Variants in ST3GAL3 observed in about 807,000 individuals in gnomAD.
The protein encoded by ST3GAL3 is ST3 beta-galactoside alpha-2,3-sialyltransferase 3.
ST3GAL3 carries 21 observed loss-of-function variants against 50.1 expected under a neutral mutation model. The ratio of observed to expected loss-of-function variants is 0.42; its 90% CI spans 0.30 to 0.60. The LOEUF (loss-of-function observed/expected upper bound fraction) is 0.60. Ranked by LOEUF, ST3GAL3 falls within the 20% of genes least tolerant of loss-of-function variation. The probability of loss-of-function intolerance (pLI) is 0.19; values close to 1 mark genes in which losing one functional copy is unlikely to be tolerated. For missense variants in ST3GAL3, 353 were observed against 489.4 expected (o/e 0.72, Z 2.63); for synonymous variants, 183 against 190.0 (o/e 0.96, Z 0.30).
At chr1:43,895,520 C>T (rs562539541) in intron 6 of ST3GAL3, among the ~76,000 whole-genome samples, 10 of 152,230 alleles carry the variant, frequency 6.6e-5, no homozygotes, top group African/African-American at 1.7e-4. Flanking sequence ...CCTTTAGTTC[C>T]GTCAGCAGTT....
chr1:43,843,211 G>A (rs2065700013), intron 5 of ST3GAL3, among the ~76,000 whole-genome samples: 1 of 152,202 alleles, frequency 6.6e-6, no homozygotes, highest in Admixed American at 6.5e-5. Context: ...TTAGCTGTAG[G>A]TTTTTCATAG....
intron 3 of ST3GAL3, among the ~76,000 whole-genome samples, chr1:43,808,239 G>T (rs958165042): frequency 1.3e-4 from 19 of 151,402 alleles, no homozygotes; most frequent in African/African-American, 4.6e-4. Context: ...GGGAGGTGGC[G>T]GTTGCAGTGA....
chr1:43,929,637 C>T (rs12127226), intron 11 of ST3GAL3, among the ~76,000 whole-genome samples: 91,263 of 152,078 alleles, frequency 0.6, 31,754 homozygotes, highest in Non-Finnish European at 0.78. Context: ...GCCATCTCTC[C>T]GCAGGCCCCA....
At chr1:43,886,953 C>G (rs1180925004) in intron 5 of ST3GAL3, among the ~76,000 whole-genome samples, 1 of 152,114 alleles carries the variant, frequency 6.6e-6, no homozygotes, top group Admixed American at 6.5e-5. Context: ...GAAAGATCTA[C>G]TTTGGTGTCA....
chr1:43,734,750 C>T lies in ST3GAL3; in HGVS notation c.-30-1483C>T, dbSNP rs1677634821. On this transcript the variant is annotated intron_variant, in intron 1 of 11. Transcript: ENST00000347631. The stretch of plus-strand genomic sequence containing the variant: ...TTTTTTAGTATATTCTCTTGGCTTT[C>T]CTAGGTGGACAATTATCTGTAAATT... Among the ~76,000 whole-genome samples, 3 of 152,098 alleles carry T rather than the reference C, an allele frequency of 2.0e-5. No individual in the cohort carries two copies. The South Asian group carries it at 6.2e-4, about 32-fold the overall frequency.
At chr1:43,901,353 T>C (rs1436370998) in intron 9 of ST3GAL3, among the ~76,000 whole-genome samples, 1 of 152,204 alleles carries the variant, frequency 6.6e-6, no homozygotes, top group African/African-American at 2.4e-5. Context: ...TGATCTGGAA[T>C]TGGCTCAAAC....
intron 5 of ST3GAL3, among the ~76,000 whole-genome samples, chr1:43,893,274 T>A (rs1037944544): frequency 1.3e-5 from 2 of 152,218 alleles, no homozygotes; most frequent in Admixed American, 6.5e-5. Flanking sequence ...AGTGGCTGAT[T>A]CAGGGTGAGT....
At chr1:43,726,845 CG>C (rs1673164107) in intron 1 of ST3GAL3, among the ~76,000 whole-genome samples, 2 of 151,654 alleles carry the variant, frequency 1.3e-5, no homozygotes, top group South Asian at 4.2e-4. Context: ...CCGCCTGCCT[CG>C]GCCTCCCAAA....
chr1:43,850,503 T>G (rs1445597046), intron 5 of ST3GAL3: 3 of 637,856 alleles, frequency 4.7e-6, no homozygotes, highest in Non-Finnish European at 8.9e-6. Context: ...GAAGCCTTTT[T>G]CCAAAAGTCC....
At chr1:43,723,547 C>T (rs531941194) in intron 1 of ST3GAL3, among the ~76,000 whole-genome samples, 3 of 152,250 alleles carry the variant, frequency 2.0e-5, no homozygotes, top group Admixed American at 6.5e-5. Flanking sequence ...CAAATAAACT[C>T]GTTTCTTTAG....
At chr1:43,857,803 G>A (rs58854399) in intron 5 of ST3GAL3, among the ~76,000 whole-genome samples, 30,845 of 151,774 alleles carry the variant, frequency 0.2, 4,042 homozygotes, top group African/African-American at 0.36. Context: ...TTTAGTAGAA[G>A]CGGGGTTTCA....
chr1:43,781,961 A>G (rs1699516441), intron 2 of ST3GAL3, among the ~76,000 whole-genome samples: 1 of 150,712 alleles, frequency 6.6e-6, no homozygotes, highest in Non-Finnish European at 1.5e-5. Flanking sequence ...GTCATTGAAA[A>G]CCTCCTTGTT....
At chr1:43,746,838 C>T (rs975031296) in intron 2 of ST3GAL3, among the ~76,000 whole-genome samples, 3 of 151,162 alleles carry the variant, frequency 2.0e-5, no homozygotes, top group Non-Finnish European at 4.4e-5. Flanking sequence ...TCTCGGCTCA[C>T]TGCAACCTCT....
At chr1:43,746,746 G>A (rs563600952) in intron 2 of ST3GAL3, among the ~76,000 whole-genome samples, 3 of 150,486 alleles carry the variant, frequency 2.0e-5, no homozygotes, top group East Asian at 2.0e-4. Flanking sequence ...ACAGGTGTGA[G>A]CCACTGCGCC....
At chr1:43,840,214 G>C (rs569098468) in intron 5 of ST3GAL3, 1 of 151,964 alleles carries the variant, frequency 6.6e-6, no homozygotes, top group African/African-American at 2.4e-5. Flanking sequence ...TCTGGTAGAG[G>C]TGGGGTTTTG....
At position 43,881,272 on chromosome 1, in the gene ST3GAL3, A is replaced by G. The variant is rs373321598; in HGVS notation, c.303-13111A>G. On this transcript the variant is annotated intron_variant, in intron 5 of 11. Coordinates refer to ENST00000347631, the MANE Select transcript of ST3GAL3 (RefSeq NM_006279.5). Reference sequence around the variant, plus strand: ...GTGATCCACCCGCCTCAGCCTCCCAAAGTGTTGGGATTACAGGCGTGAGCC... The same window carrying G: ...GTGATCCACCCGCCTCAGCCTCCCAGAGTGTTGGGATTACAGGCGTGAGCC... Among the ~76,000 whole-genome samples the G allele has an allele frequency of 4.6e-5, 7 of 152,104 alleles. No homozygotes were observed. The East Asian group carries it at 7.7e-4, about 17-fold the overall frequency.
intron 1 of ST3GAL3, among the ~76,000 whole-genome samples, chr1:43,713,154 T>TAA (rs372907536): frequency 6.6e-6 from 1 of 152,216 alleles, no homozygotes; most frequent in Non-Finnish European, 1.5e-5. Context: ...GAAGGATAGT[T>TAA]ACGCTGGTGC....
chr1:43,923,534 G>A (rs1325222300), intron 11 of ST3GAL3, among the ~76,000 whole-genome samples: 1 of 152,140 alleles, frequency 6.6e-6, no homozygotes, highest in African/African-American at 2.4e-5. Flanking sequence ...TATCTGGTCA[G>A]GACCCACCAG....
At position 43,867,266 on chromosome 1, in the gene ST3GAL3, T is replaced by C. The variant is rs189359451; in HGVS notation, c.303-27117T>C. ...ACGTAGGAATTGTGGGAGTTACAAT[T>C]CAAGATGAAACTTGGGTGGGGACAC... On this transcript the variant is annotated intron_variant, in intron 5 of 11. Transcript: ENST00000347631. 6.1e-3 allele frequency among the ~76,000 whole-genome samples: 924 copies of C among 152,258 alleles called. 1 individual carries two copies. The highest frequency in any genetic ancestry group is 9.5e-3 in the Non-Finnish European group (644 of 68,026).
Sources: gnomAD v4.1 joint callset for allele counts (sites outside exome capture counted in the v4.1 genomes callset) on GRCh38, gnomAD v4.1.1 for gene constraint, MANE v1.5 for transcripts, NCBI Gene and HGNC (gene_info 2026-07-23, HGNC 2026-07-21) for gene names.